Variants in ACSF2 observed in about 807,000 individuals in gnomAD.
ACSF2 encodes medium-chain acyl-CoA ligase ACSF2, mitochondrial.
A neutral mutation model predicts 79.3 loss-of-function variants in ACSF2; 52 were observed. The observed-to-expected ratio is 0.66, with a 90% CI of 0.53 to 0.83. The LOEUF (loss-of-function observed/expected upper bound fraction) is 0.83. Among genes scored for constraint, ACSF2 ranks in the 40% least tolerant of loss-of-function variants. The pLI, the probability that ACSF2 is intolerant of heterozygous loss-of-function variation, is 0.00. For missense variants in ACSF2, 661 were observed against 803.3 expected (o/e 0.82, Z 2.14); for synonymous variants, 283 against 312.6 (o/e 0.91, Z 1.00).
At position 50,441,696 on chromosome 17, in the gene ACSF2, C is replaced by A. The variant is rs560215851; in HGVS notation, c.128+15307C>A. Among the ~76,000 whole-genome samples, 140 of 152,302 alleles carry A rather than the reference C, an allele frequency of 9.2e-4. 1 individual carries two copies. The highest frequency in any genetic ancestry group is 3.3e-3 in the African/African-American group (136 of 41,560). On this transcript the variant is annotated intron_variant, in intron 1 of 15. Coordinates refer to ENST00000300441, the MANE Select transcript of ACSF2 (RefSeq NM_025149.6). ...TTATGAAGATCACAGATCAGGCATGCAGAGTCTTTGAAGAGAGCTGGCATG... is the reference window on the plus strand; with the variant it reads ...TTATGAAGATCACAGATCAGGCATGAAGAGTCTTTGAAGAGAGCTGGCATG...
chr17:50,428,574 C>A (rs1488903017), intron 1 of ACSF2, among the ~76,000 whole-genome samples: 2 of 151,496 alleles, frequency 1.3e-5, no homozygotes, highest in African/African-American at 2.4e-5. Flanking sequence ...CACTTGAGGT[C>A]AGGAGTTAGA....
chr17:50,437,662 A>C (rs2030544546), intron 1 of ACSF2, among the ~76,000 whole-genome samples: 1 of 152,116 alleles, frequency 6.6e-6, no homozygotes. Flanking sequence ...TCTCAAAAAA[A>C]AAAAAAGTTG....
In ACSF2 at chr17:50,465,358, C is replaced by T. The variant is rs377740125; in HGVS notation, c.1215+1064C>T. ...GGAACTTGCAGCTGCGGAAGGCGTC[C>T]GTGTCACGGATGTGCTGGCCCTTGA... On this transcript the variant is annotated intron_variant, in intron 10 of 15. Coordinates refer to ENST00000300441, the MANE Select transcript of ACSF2 (RefSeq NM_025149.6). 109 of 1,613,890 alleles carry T rather than the reference C, an allele frequency of 6.8e-5. No individual in the cohort carries two copies. The Middle Eastern group carries it at 1.5e-3, about 22-fold the overall frequency.
chr17:50,453,969 G>A (rs1005232305), intron 1 of ACSF2, among the ~76,000 whole-genome samples: 1 of 151,582 alleles, frequency 6.6e-6, no homozygotes, highest in African/African-American at 2.4e-5. Context: ...AAAATTGCCA[G>A]CCTGGGCAAC....
intron 1 of ACSF2, among the ~76,000 whole-genome samples, chr17:50,459,023 C>A (rs546499318): frequency 6.6e-6 from 1 of 152,222 alleles, no homozygotes; most frequent in Non-Finnish European, 1.5e-5. Context: ...TTGGCACATA[C>A]GGGTGCTCAC....
chr17:50,428,860 G>C (rs369029305), intron 1 of ACSF2, among the ~76,000 whole-genome samples: 1 of 152,256 alleles, frequency 6.6e-6, no homozygotes, highest in Non-Finnish European at 1.5e-5. Flanking sequence ...CAGATTCTGC[G>C]TCATGCTAGC....
chr17:50,463,383 C>T lies in ACSF2; in HGVS notation c.889-12C>T. The T allele has an allele frequency of 1.2e-6, 2 of 1,613,424 alleles. No individual in the cohort carries two copies. Among genetic ancestry groups the T allele is most frequent in the African/African-American group, 1.3e-5 (1 of 75,054 alleles). On this transcript the variant is annotated splice_polypyrimidine_tract_variant and intron_variant, in intron 7 of 15. Coordinates refer to ENST00000300441, the MANE Select transcript of ACSF2 (RefSeq NM_025149.6). This position sits in a 1 kb window ranked among gnomAD's most constrained non-coding sequence, Gnocchi z 4.6. ...CTCCAAGACAGACCCAGCCTCCTGT[C>T]TCCATCACCAGACACCAGAGCAGTT...
chr17:50,451,945 T>A (rs1192925215), intron 1 of ACSF2, among the ~76,000 whole-genome samples: 1 of 152,216 alleles, frequency 6.6e-6, no homozygotes, highest in African/African-American at 2.4e-5. Flanking sequence ...ACCTCTTATG[T>A]TCCTGGCACT....
intron 1 of ACSF2, 106 bp downstream of exon 1, chr17:50,426,495 G>A: frequency 1.6e-6 from 2 of 1,243,342 alleles, no homozygotes; most frequent in East Asian, 3.1e-5. Context: ...AGTGCACTGG[G>A]GGGAAGGTAC....
intron 9 of ACSF2, 23 bp from the exon 10 acceptor site, chr17:50,464,195 T>C: frequency 6.2e-7 from 1 of 1,612,886 alleles, no homozygotes; most frequent in South Asian, 1.1e-5. Context: ...TGGGGAGCTG[T>C]GTCAGCCCTC....
intron 1 of ACSF2, among the ~76,000 whole-genome samples, chr17:50,433,014 C>T (rs1377494134): frequency 6.6e-6 from 1 of 152,082 alleles, no homozygotes; most frequent in Non-Finnish European, 1.5e-5. Flanking sequence ...CCTAACCTGA[C>T]ATTCTGTAAT....
At chr17:50,468,762 G>C in intron 10 of ACSF2, 5 of 1,592,344 alleles carry the variant, frequency 3.1e-6, no homozygotes, top group Non-Finnish European at 4.3e-6. Context: ...GCCAGCGCCG[G>C]CAGCAGACCA....
chr17:50,474,580 T>G lies in ACSF2; in HGVS notation c.*28T>G, dbSNP rs780873840. 45 of 1,611,880 alleles carry G rather than the reference T, an allele frequency of 2.8e-5. No homozygotes were observed. Among genetic ancestry groups the G allele is most frequent in the Admixed American group, 8.3e-5 (5 of 59,996 alleles). On this transcript the variant is annotated 3_prime_UTR_variant, in exon 16 of 16. Transcript: ENST00000300441. The surrounding 1 kb of genome is among the most constrained non-coding windows in gnomAD (Gnocchi z 4.2). Reference sequence around the variant, plus strand: ...AAAGCAGCAGGCCTGTCCTGGCCGGTTGGCTTGACTCTCTCCTGTCAGAAT... The same window carrying G: ...AAAGCAGCAGGCCTGTCCTGGCCGGGTGGCTTGACTCTCTCCTGTCAGAAT...
At position 50,473,603 on chromosome 17, in the gene ACSF2, C is replaced by T. The variant is rs909477022; in HGVS notation, c.1476-62C>T. On this transcript the variant is annotated intron_variant, in intron 12 of 15. Coordinates refer to ENST00000300441, the MANE Select transcript of ACSF2 (RefSeq NM_025149.6). Reference sequence around the variant, plus strand: ...TAGCTGGTCAATAAATGTTTCACGACTGAGCAAGCAAGTGAGTGAACAAGG... The same window carrying T: ...TAGCTGGTCAATAAATGTTTCACGATTGAGCAAGCAAGTGAGTGAACAAGG... 3 of 1,609,048 alleles carry T rather than the reference C, an allele frequency of 1.9e-6. No individual in the cohort carries two copies. In the African/African-American group the frequency reaches 4.0e-5, roughly 21 times the overall value.
At chr17:50,468,030 A>G in intron 10 of ACSF2, 1 of 1,570,888 alleles carries the variant, frequency 6.4e-7, no homozygotes, top group East Asian at 2.3e-5. Flanking sequence ...GCCCACAGCC[A>G]GGAGCTCACC....
chr17:50,472,180 T>C, intron 11 of ACSF2: 1 of 490,140 alleles, frequency 2.0e-6, no homozygotes, highest in Non-Finnish European at 3.6e-6. Flanking sequence ...CTGCCCACTC[T>C]GTTTCCTCAG....
At position 50,460,762 on chromosome 17, in the gene ACSF2, A is replaced by G; in HGVS notation, c.214A>G (p.Lys72Glu). The G allele has an allele frequency of 6.2e-7, 1 of 1,613,478 alleles. No homozygotes were observed. The highest frequency in any genetic ancestry group is 8.5e-7 in the Non-Finnish European group (1 of 1,179,742). ...GTGCACCAAAAAGCATCTTAACAGCAAGACTGTGGGCCAGTGCCTGGAGAC... is the reference window on the plus strand; with the variant it reads ...GTGCACCAAAAAGCATCTTAACAGCGAGACTGTGGGCCAGTGCCTGGAGAC... ...QGCTKKHLNS[K>E]TVGQCLETTA... is the part of the protein sequence containing the mutation. The change falls in exon 2 of 16, where the codon AAG becomes GAG. Residue 72 changes from lysine (K) to glutamate (E), a missense_variant. Transcript: ENST00000300441.
chr17:50,469,071 G>A (rs1844225278), intron 10 of ACSF2: 1 of 1,249,406 alleles, frequency 8.0e-7, no homozygotes, highest in Non-Finnish European at 1.0e-6. Flanking sequence ...GGGTGGGACC[G>A]TGGCCCCCGA....
intron 10 of ACSF2, chr17:50,465,511 G>A: frequency 6.4e-7 from 1 of 1,566,898 alleles, no homozygotes; most frequent in Admixed American, 1.8e-5. Context: ...GTGAACTATG[G>A]GGCCAGGATT....
Sources: gnomAD v4.1 joint callset for allele counts (sites outside exome capture counted in the v4.1 genomes callset) on GRCh38, gnomAD v4.1.1 for gene constraint, Gnocchi (gnomAD v3.1) non-coding constraint, MANE v1.5 for transcripts, NCBI Gene and HGNC (gene_info 2026-07-23, HGNC 2026-07-21) for gene names.